The following SHPRH variants were observed in gnomAD, a reference collection of about 807,000 sequenced individuals.
SHPRH encodes the protein SNF2 histone linker PHD RING helicase.
Under a neutral mutation model 202.5 loss-of-function variants are expected in SHPRH, and 106 were observed. The observed-to-expected ratio is 0.52, with a 90% CI of 0.45 to 0.62. The LOEUF (loss-of-function observed/expected upper bound fraction) is 0.62. Among genes scored for constraint, SHPRH ranks in the 20% least tolerant of loss-of-function variants. The pLI is 0.00. For missense variants in SHPRH, 1,710 were observed against 2,020.0 expected (o/e 0.85, Z 2.94); for synonymous variants, 729 against 686.0 (o/e 1.06, Z -0.98).
At chr6:145,931,621 C>T (rs550427058) in intron 14 of SHPRH, among the ~76,000 whole-genome samples, 3 of 152,170 alleles carry the variant, frequency 2.0e-5, no homozygotes, top group Middle Eastern at 3.2e-3. Flanking sequence ...CAGGCACAAG[C>T]CACCGTGCCT....
intron 25 of SHPRH, among the ~76,000 whole-genome samples, chr6:145,896,714 T>C (rs1782042703): frequency 6.6e-6 from 1 of 151,872 alleles, no homozygotes; most frequent in South Asian, 2.1e-4. Flanking sequence ...TCTCTGACAA[T>C]GGAATGAAAC....
chr6:145,945,410 C>T lies in SHPRH; in HGVS notation c.1549G>A (p.Glu517Lys), dbSNP rs781638486. ...TFTLGKNYKE[E>K]DICDKTKKQA... ...TTTTTTGTTTTATCACATATATCCT[C>T]TTCCTTGTAATTCTTTCCCAATGTA... is the stretch of plus-strand genomic sequence containing the variant. Residue 517 changes from glutamate (E) to lysine (K), a missense_variant, in exon 8 of 30, where the codon GAG (glutamate) becomes AAG (lysine). Around this residue, in one of 8 missense-constraint regions of SHPRH, gnomAD observed 348 missense variants for 356.9 expected, o/e 0.97. Transcript: ENST00000275233. 1 of 1,612,514 alleles carries T rather than the reference C, an allele frequency of 6.2e-7. No homozygotes were observed. The highest frequency in any genetic ancestry group is 8.5e-7 in the Non-Finnish European group (1 of 1,179,288).
intron 13 of SHPRH, 50 bp downstream of exon 13, chr6:145,934,855 ATT>A (rs1785898816): frequency 6.6e-7 from 1 of 1,515,242 alleles, no homozygotes; most frequent in African/African-American, 1.4e-5. Flanking sequence ...GGCCTGAAAT[ATT>A]GTCTATTATG....
intron 14 of SHPRH, among the ~76,000 whole-genome samples, chr6:145,928,461 T>C (rs1785101279): frequency 1.3e-5 from 2 of 151,894 alleles, no homozygotes; most frequent in Non-Finnish European, 2.9e-5. Context: ...ACACATACTT[T>C]CTTTTAAAAA....
chr6:145,919,602 G>A lies in SHPRH; in HGVS notation c.4009-111C>T, dbSNP rs534308311. On this transcript the variant is annotated intron_variant, in intron 21 of 29. Coordinates refer to ENST00000275233, the MANE Select transcript of SHPRH (RefSeq NM_001042683.3). The stretch of plus-strand genomic sequence containing the variant: ...CTTCAATGAGATCTTACACTTTTTC[G>A]CTATGTGTCTAACGTACAAGTAGTT... 287 of 1,279,644 alleles carry A rather than the reference G, an allele frequency of 2.2e-4. 2 individuals are homozygous for A. In the South Asian group the frequency reaches 3.7e-3, roughly 16 times the overall value. 79.3% of individuals were successfully genotyped at this position (1,279,644 alleles called of 1,614,324 possible).
At chr6:145,962,090 C>T (rs1039540985) in intron 1 of SHPRH, among the ~76,000 whole-genome samples, 4 of 152,026 alleles carry the variant, frequency 2.6e-5, no homozygotes, top group Admixed American at 6.6e-5. Flanking sequence ...CTATATGGAC[C>T]GCACTTTTAC....
At chr6:145,873,817 C>G (rs978722772) in intron 2 of SHPRH, among the ~76,000 whole-genome samples, 1 of 152,094 alleles carries the variant, frequency 6.6e-6, no homozygotes, top group Non-Finnish European at 1.5e-5. Context: ...ATGAGGTCTA[C>G]TTAGGGTCCT....
intron 2 of SHPRH, among the ~76,000 whole-genome samples, chr6:145,872,340 A>C (rs969658487): frequency 6.6e-6 from 1 of 152,178 alleles, no homozygotes; most frequent in Non-Finnish European, 1.5e-5. Context: ...AACTTAAACA[A>C]ATTTACAAAA....
rs1780965111 is a variant in SHPRH, at chr6:145,885,924, T to C, written c.*767A>G. The C allele has an allele frequency of 6.6e-6, 1 of 151,926 alleles. No homozygotes were observed. Among genetic ancestry groups the C allele is most frequent in the African/African-American group, 2.4e-5 (1 of 41,372 alleles). The allele number at this position is 151,926 out of a possible 1,614,324, so 9.4% of individuals were successfully genotyped here. ...AAAAACTGCAATATTTACAGATACA[T>C]CAATCTTACAACATATAAAAACTTT... On this transcript the variant is annotated 3_prime_UTR_variant, in exon 30 of 30. Transcript: ENST00000275233.
intron 2 of SHPRH, among the ~76,000 whole-genome samples, chr6:145,953,272 G>A (rs1402422716): frequency 6.6e-6 from 1 of 152,010 alleles, no homozygotes; most frequent in Admixed American, 6.6e-5. Context: ...GACAAAGAGT[G>A]TATTTCATTA....
chr6:145,931,928 A>G (rs1019452371), intron 14 of SHPRH, among the ~76,000 whole-genome samples: 2 of 148,506 alleles, frequency 1.3e-5, no homozygotes, highest in African/African-American at 5.0e-5. Flanking sequence ...CAATACATTT[A>G]TATTAGGCCA....
chr6:145,885,456 A>T lies in SHPRH; in HGVS notation c.*1235T>A, dbSNP rs778854957. 1 of 152,406 alleles carries T rather than the reference A, an allele frequency of 6.6e-6. No individual in the cohort carries two copies. The highest frequency in any genetic ancestry group is 1.5e-5 in the Non-Finnish European group (1 of 68,048). 9.4% of individuals were successfully genotyped at this position (152,406 alleles called of 1,614,324 possible). A position where few individuals can be genotyped will look rare whatever the true frequency, so the allele number is the denominator to read the frequency against. On this transcript the variant is annotated 3_prime_UTR_variant, in exon 30 of 30. Coordinates refer to ENST00000275233, the MANE Select transcript of SHPRH (RefSeq NM_001042683.3). ...CAAATGGGATCTAGGGAATGGTTCTATGAGTTTTCCAGGCAGCTAACTGGG... is the reference window on the plus strand; with the variant it reads ...CAAATGGGATCTAGGGAATGGTTCTTTGAGTTTTCCAGGCAGCTAACTGGG...
intron 29 of SHPRH, 130 bp downstream of exon 29, chr6:145,887,890 C>T (rs899177491): frequency 9.1e-6 from 6 of 662,408 alleles, no homozygotes; most frequent in South Asian, 5.8e-5. Flanking sequence ...AAAGGCAAAA[C>T]GTCAGACTTT....
chr6:145,950,726 T>C (rs921573931), intron 3 of SHPRH, among the ~76,000 whole-genome samples: 8 of 151,270 alleles, frequency 5.3e-5, no homozygotes, highest in African/African-American at 1.5e-4. Context: ...TGGAATTATG[T>C]TCTCCTCTGT....
rs767736624 is a variant in SHPRH at position 145,924,693 on chromosome 6, A to AT, written c.3402+45dup. On this transcript the variant is annotated intron_variant, in intron 17 of 29. Transcript: ENST00000275233. The stretch of plus-strand genomic sequence containing the variant: ...CACCAAAAAACCAAAACTCAAAATG[A>AT]TATCTGGAGGCAAATACAAGTAAGA... 3.2e-6 allele frequency: 5 copies of AT among 1,554,328 alleles called. No homozygotes were observed. In the East Asian group the frequency reaches 1.1e-4, roughly 35 times the overall value.
chr6:145,863,168 A>G (rs772678193), downstream of SHPRH, among the ~76,000 whole-genome samples: 9 of 152,208 alleles, frequency 5.9e-5, no homozygotes, highest in Non-Finnish European at 1.2e-4. Flanking sequence ...GATCAATTAT[A>G]TATCTCATTG....
At chr6:145,872,647 A>C (rs1389560412) in intron 2 of SHPRH, among the ~76,000 whole-genome samples, 1 of 152,194 alleles carries the variant, frequency 6.6e-6, no homozygotes, top group Non-Finnish European at 1.5e-5. Flanking sequence ...TCAAAGACAA[A>C]GAGGCAGAAA....
In SHPRH at chr6:145,927,798, T is replaced by G. The variant is rs191461143; in HGVS notation, c.3113-521A>C. Among the ~76,000 whole-genome samples, 273 of 152,158 alleles carry G rather than the reference T, an allele frequency of 1.8e-3. 1 individual carries two copies. Among genetic ancestry groups the G allele is most frequent in the African/African-American group, 6.3e-3 (260 of 41,576 alleles). On this transcript the variant is annotated intron_variant, in intron 14 of 29. Transcript: ENST00000275233. ...GTTCTTGGTATTAGGCCAAATAATT[T>G]GCAATTAAAAACTTCATGTCAGAAA...
intron 11 of SHPRH, among the ~76,000 whole-genome samples, chr6:145,938,384 T>C (rs1488369199): frequency 6.6e-6 from 1 of 152,108 alleles, no homozygotes; most frequent in Non-Finnish European, 1.5e-5. Context: ...TAAACAGACT[T>C]CCCTTCTTTG....
Sources: gnomAD v4.1 joint callset for allele counts (sites outside exome capture counted in the v4.1 genomes callset) on GRCh38, gnomAD v4.1.1 for gene constraint, gnomAD v4.1.1 regional missense constraint, MANE v1.5 for transcripts, NCBI Gene and HGNC (gene_info 2026-07-23, HGNC 2026-07-21) for gene names.